Variants in ARHGEF18 observed in about 807,000 individuals in gnomAD.
The protein encoded by ARHGEF18 is rho guanine nucleotide exchange factor 18.
A neutral mutation model predicts 155.7 loss-of-function variants in ARHGEF18; 93 were observed. The ratio of observed to expected loss-of-function variants is 0.60; its 90% CI spans 0.50 to 0.71. The LOEUF is 0.71. ARHGEF18 is among the 30% of genes least tolerant of loss of function. The pLI is 0.00. For missense variants in ARHGEF18, 1,593 were observed against 1,816.1 expected, an observed-to-expected ratio of 0.88 and a Z score of 2.23; for synonymous variants, 742 against 753.1, an observed-to-expected ratio of 0.99 and a Z score of 0.24.
chr19:7,444,158 G>A lies in ARHGEF18; in HGVS notation c.1361-46G>A. The A allele has an allele frequency of 6.3e-7, 1 of 1,598,146 alleles. No individual in the cohort carries two copies. Among genetic ancestry groups the A allele is most frequent in the Non-Finnish European group, 8.5e-7 (1 of 1,169,738 alleles). ...GCAGCACCCACGACTGCCCAGCGGGGCCGTGGAGCCAGCATGGCTAAGTCC... is the reference window on the plus strand; with the variant it reads ...GCAGCACCCACGACTGCCCAGCGGGACCGTGGAGCCAGCATGGCTAAGTCC... On this transcript the variant is annotated intron_variant, in intron 13 of 28. Coordinates refer to ENST00000668164, the MANE Select transcript of ARHGEF18 (RefSeq NM_001367823.1). The surrounding 1 kb of genome is among the most constrained non-coding windows in gnomAD (Gnocchi z 4.7).
intron 14 of ARHGEF18, among the ~76,000 whole-genome samples, 187 bp from the exon 15 acceptor site, chr19:7,446,856 A>C (rs899317262): frequency 3.3e-5 from 5 of 150,012 alleles, no homozygotes; most frequent in Non-Finnish European, 5.9e-5. Flanking sequence ...AGATCGCGCC[A>C]TTGCTCTTTA....
At chr19:7,457,456 G>A (rs534540938) in intron 18 of ARHGEF18, among the ~76,000 whole-genome samples, 6 of 136,090 alleles carry the variant, frequency 4.4e-5, no homozygotes, top group African/African-American at 8.5e-5. Flanking sequence ...TCCACCTCCC[G>A]AGTTCAAGTG....
chr19:7,349,850 G>C (rs759765979), intron 1 of ARHGEF18, among the ~76,000 whole-genome samples: 1 of 152,148 alleles, frequency 6.6e-6, no homozygotes, highest in African/African-American at 2.4e-5. Flanking sequence ...TGGGGCAAAG[G>C]CTCAGGTGCC....
chr19:7,451,168 T>C lies in ARHGEF18; in HGVS notation c.1757T>C (p.Ile586Thr). Residue 586 changes from isoleucine (I) to threonine (T), a missense_variant, in exon 16 of 29, where the codon ATC (isoleucine) becomes ACC (threonine). Ile to Thr is a moderately conservative substitution (Grantham distance 89, BLOSUM62 -1). Transcript: ENST00000668164. Reference protein sequence around the residue: ...NLIKKIGNFSIVRRLGVQECI... With the variant: ...NLIKKIGNFSTVRRLGVQECI... ...TCCTAGAAAATTGGCAACTTCTCCA[T>C]CGTGCGGCGGCTTGGCGTGCAGGAG... 1 of 1,547,530 alleles carries C rather than the reference T, an allele frequency of 6.5e-7. No individual in the cohort carries two copies. The highest frequency in any genetic ancestry group is 8.7e-7 in the Non-Finnish European group (1 of 1,152,866).
chr19:7,427,674 A>G (rs12463247), intron 10 of ARHGEF18, among the ~76,000 whole-genome samples: 80,587 of 150,024 alleles, frequency 0.54, 21,880 homozygotes, highest in Middle Eastern at 0.73. Flanking sequence ...GGCCGGGCGC[A>G]GTGGCTCACA....
At chr19:7,474,754 A>AGAGT (rs1555733264), downstream of ARHGEF18, among the ~76,000 whole-genome samples, 2 of 141,970 alleles carry the variant, frequency 1.4e-5, no homozygotes, top group African/African-American at 5.5e-5. Context: ...TGGGCATTGG[A>AGAGT]GTGTGTGTGT....
chr19:7,439,781 C>A, intron 10 of ARHGEF18: 1 of 1,417,458 alleles, frequency 7.1e-7, no homozygotes, highest in Non-Finnish European at 9.2e-7. Context: ...GCATGAAGCA[C>A]GCCAGGCTCA....
intron 2 of ARHGEF18, among the ~76,000 whole-genome samples, chr19:7,364,191 C>T (rs1430486837): frequency 5.5e-5 from 7 of 127,630 alleles, no homozygotes; most frequent in Non-Finnish European, 9.8e-5. Flanking sequence ...GATGAGAAGA[C>T]GGGTGAGTGG....
At position 7,444,586 on chromosome 19, in the gene ARHGEF18, A is replaced by T. The variant is rs553590927; in HGVS notation, c.1611+132A>T. On this transcript the variant is annotated intron_variant, in intron 14 of 28. Transcript: ENST00000668164. The surrounding 1 kb of genome is among the most constrained non-coding windows in gnomAD (Gnocchi z 4.7). ...AGTGCAGTGGTGCAGTCACAGCTCA[A>T]TGCAGCCTCAACCTCTCAGGCTCAG... The T allele has an allele frequency of 2.4e-5, 31 of 1,301,744 alleles. No individual in the cohort carries two copies. The highest frequency in any genetic ancestry group is 3.1e-5 in the Non-Finnish European group (30 of 966,758). The allele number at this position is 1,301,744 out of a possible 1,614,324, so 80.6% of individuals were successfully genotyped here. A position where few individuals can be genotyped will look rare whatever the true frequency, so the allele number is the denominator to read the frequency against.
chr19:7,418,902 C>A (rs893185280), intron 10 of ARHGEF18, among the ~76,000 whole-genome samples: 1 of 151,882 alleles, frequency 6.6e-6, no homozygotes, highest in African/African-American at 2.4e-5. Context: ...GTCCACCTGG[C>A]GCCTGTTCAG....
At chr19:7,417,683 C>T (rs978084215) in intron 10 of ARHGEF18, among the ~76,000 whole-genome samples, 5 of 152,004 alleles carry the variant, frequency 3.3e-5, no homozygotes, top group African/African-American at 9.7e-5. Context: ...CATGACAGAG[C>T]GAGACTCGGT....
At chr19:7,371,557 A>T (rs1017414537) in intron 2 of ARHGEF18, among the ~76,000 whole-genome samples, 1 of 152,074 alleles carries the variant, frequency 6.6e-6, no homozygotes, top group African/African-American at 2.4e-5. Flanking sequence ...GTGGTGGCAC[A>T]TGTCTGTAGC....
At chr19:7,394,467 C>T (rs1971564302) in intron 10 of ARHGEF18, among the ~76,000 whole-genome samples, 1 of 151,994 alleles carries the variant, frequency 6.6e-6, no homozygotes. Context: ...TCCTAACGAG[C>T]CCGTAGGAGC....
rs745782600 is a variant in ARHGEF18, at chr19:7,441,779, C to A, written c.1219+14C>A. On this transcript the variant is annotated intron_variant, in intron 12 of 28. Transcript: ENST00000668164. ...TTTTTGTAGAAGGTATGGTCATCTC[C>A]GCTCTCTCGCGGCTGCCACACAGTT... The A allele has an allele frequency of 4.3e-6, 7 of 1,613,566 alleles. No individual in the cohort carries two copies. In the Admixed American group the frequency reaches 1.2e-4, roughly 27 times the overall value.
chr19:7,373,050 G>A lies in ARHGEF18; in HGVS notation c.254G>A (p.Ser85Asn), dbSNP rs1970273937. The A allele has an allele frequency of 2.4e-6, 3 of 1,234,354 alleles. No homozygotes were observed. The highest frequency in any genetic ancestry group is 3.0e-6 in the Non-Finnish European group (3 of 988,246). 76.5% of individuals were successfully genotyped at this position (1,234,354 alleles called of 1,614,324 possible). A position where few individuals can be genotyped will look rare whatever the true frequency, so the allele number is the denominator to read the frequency against. Residue 85 changes from serine (S) to asparagine (N), a missense_variant, in exon 3 of 29, where the codon AGC (serine) becomes AAC (asparagine). Coordinates refer to ENST00000668164, the MANE Select transcript of ARHGEF18 (RefSeq NM_001367823.1). ...CGGCGCAGCTGGGAAAGGTCGCGGA[G>A]CTGCTCAGAGAGCTGGCGGAGGTCA... ...SRRRSWERSR[S>N]CSESWRRLSL...
At chr19:7,458,294 G>GT (rs200096205) in intron 18 of ARHGEF18, among the ~76,000 whole-genome samples, 3 of 93,876 alleles carry the variant, frequency 3.2e-5, no homozygotes, top group African/African-American at 9.1e-5. Context: ...CTCCAAGATA[G>GT]TTTAAAAAAA....
At chr19:7,420,473 G>A (rs1973286139) in intron 10 of ARHGEF18, among the ~76,000 whole-genome samples, 1 of 152,078 alleles carries the variant, frequency 6.6e-6, no homozygotes, top group African/African-American at 2.4e-5. Flanking sequence ...GGCTGGTCTT[G>A]AACTCCCAGC....
rs1976843143 is a variant in ARHGEF18, at chr19:7,468,975, A to G, written c.3631A>G (p.Lys1211Glu). 1.3e-6 allele frequency: 2 copies of G among 1,590,548 alleles called. No homozygotes were observed. Among genetic ancestry groups the G allele is most frequent in the Non-Finnish European group, 1.7e-6 (2 of 1,170,202 alleles). The change falls in exon 27 of 29, where the codon AAG becomes GAG. Residue 1211 changes from lysine to glutamate, a missense_variant. Lys to Glu is a moderately conservative substitution (Grantham distance 56). Coordinates refer to ENST00000668164, the MANE Select transcript of ARHGEF18 (RefSeq NM_001367823.1). ...CGCCCCCACCGAGAACCGGCTGGCC[A>G]AGAGCGATGTGCCCATCCAGCTGCT... The part of the protein sequence containing the change: ...DSAPTENRLA[K>E]SDVPIQLLSA...
Position 7,395,149 on chromosome 19 carries a change from G to A in ARHGEF18, c.967+11946G>A. On this transcript the variant is annotated intron_variant, in intron 10 of 28. Transcript: ENST00000668164. This position sits in a 1 kb window ranked among gnomAD's most constrained non-coding sequence, Gnocchi z 5.0. ...TCCCGCTTCCGGCTCCCAGCTGCTAGCTACTGTGGATCTGGGGGGGCCGGA... is the reference window on the plus strand; with the variant it reads ...TCCCGCTTCCGGCTCCCAGCTGCTAACTACTGTGGATCTGGGGGGGCCGGA... 1.0e-6 allele frequency: 1 copy of A among 985,682 alleles called. No homozygotes were observed. Among genetic ancestry groups the A allele is most frequent in the Non-Finnish European group, 1.2e-6 (1 of 830,112 alleles). The allele number at this position is 985,682 out of a possible 1,614,324, so 61.1% of individuals were successfully genotyped here. A position where few individuals can be genotyped will look rare whatever the true frequency, so the allele number is the denominator to read the frequency against.
Sources: gnomAD v4.1 joint callset for allele counts (sites outside exome capture counted in the v4.1 genomes callset) on GRCh38, gnomAD v4.1.1 for gene constraint, Gnocchi (gnomAD v3.1) non-coding constraint, MANE v1.5 for transcripts, NCBI Gene and HGNC (gene_info 2026-07-23, HGNC 2026-07-21) for gene names.